CNTNAP2: variants seen among roughly 807,000 people sequenced by gnomAD.
The protein encoded by CNTNAP2 is contactin-associated protein-like 2.
A neutral mutation model predicts 155.2 loss-of-function variants in CNTNAP2; 98 were observed. The ratio of observed to expected loss-of-function variants is 0.63; its 90% confidence interval spans 0.54 to 0.75. The LOEUF (loss-of-function observed/expected upper bound fraction) is 0.75. Ranked by LOEUF, CNTNAP2 falls within the 30% of genes least tolerant of loss-of-function variation. The pLI is 0.00. For synonymous variants in CNTNAP2, 651 were observed against 631.2 expected (o/e 1.03, Z -0.47); for missense variants, 1,727 against 1,688.1 (o/e 1.02, Z -0.40).
intron 1 of CNTNAP2, among the ~76,000 whole-genome samples, chr7:146,724,480 G>T (rs112309511): frequency 6.8e-6 from 1 of 146,294 alleles, no homozygotes; most frequent in Non-Finnish European, 1.5e-5. Context: ...GTCTTGTTCC[G>T]TTTGGTTTTA....
intron 14 of CNTNAP2, among the ~76,000 whole-genome samples, chr7:147,945,513 G>A (rs1430138239): frequency 6.6e-6 from 1 of 152,062 alleles, no homozygotes; most frequent in Admixed American, 6.5e-5. Flanking sequence ...TCAAGTATAT[G>A]GTTGAAGACT....
intron 21 of CNTNAP2, among the ~76,000 whole-genome samples, chr7:148,306,623 T>C (rs1427849931): frequency 1.3e-5 from 2 of 152,184 alleles, no homozygotes; most frequent in African/African-American, 4.8e-5. Flanking sequence ...TCTTTGAATG[T>C]TCCTTTTTTT....
At chr7:146,356,864 C>G (rs1795005865) in intron 1 of CNTNAP2, among the ~76,000 whole-genome samples, 1 of 152,144 alleles carries the variant, frequency 6.6e-6, no homozygotes, top group Non-Finnish European at 1.5e-5. Context: ...CCTTTAAGCT[C>G]CTAAGCATGA....
chr7:146,153,798 C>T (rs189496057), intron 1 of CNTNAP2, among the ~76,000 whole-genome samples: 46 of 152,114 alleles, frequency 3.0e-4, no homozygotes, highest in Non-Finnish European at 4.9e-4. Flanking sequence ...AATCCATTGT[C>T]GTATGAATAA....
rs2116734644 is a variant in CNTNAP2, at chr7:148,417,480, C to T, written c.*1864C>T. ...GAGCTCAGGCACTGTCATGGACACC[C>T]TTAATTTTAAAAGGTTTTAATCATT... On this transcript the variant is annotated 3_prime_UTR_variant, in exon 24 of 24. Transcript: ENST00000361727. The T allele has an allele frequency of 6.5e-6, 1 of 152,686 alleles. No individual in the cohort carries two copies. The highest frequency in any genetic ancestry group is 2.4e-5 in the African/African-American group (1 of 41,540). 9.5% of individuals were successfully genotyped at this position (152,686 alleles called of 1,614,324 possible).
At chr7:146,447,260 G>A (rs1273181918) in intron 1 of CNTNAP2, among the ~76,000 whole-genome samples, 1 of 151,960 alleles carries the variant, frequency 6.6e-6, no homozygotes, top group Non-Finnish European at 1.5e-5. Context: ...GCACAGTTAT[G>A]CCAAGAATAT....
intron 1 of CNTNAP2, among the ~76,000 whole-genome samples, chr7:146,529,176 A>G (rs1797732802): frequency 1.3e-5 from 2 of 152,236 alleles, no homozygotes; most frequent in Admixed American, 1.3e-4. Context: ...AGCACAGTCT[A>G]TAGCATGTGG....
At chr7:146,426,612 A>C (rs1201771235) in intron 1 of CNTNAP2, among the ~76,000 whole-genome samples, 1 of 137,578 alleles carries the variant, frequency 7.3e-6, no homozygotes, top group Non-Finnish European at 1.5e-5. Context: ...GACTCATTTC[A>C]ATAACACCTT....
At chr7:147,330,625 G>A (rs925723350) in intron 9 of CNTNAP2, among the ~76,000 whole-genome samples, 1 of 152,152 alleles carries the variant, frequency 6.6e-6, no homozygotes, top group Non-Finnish European at 1.5e-5. Flanking sequence ...CAGTTGGTGT[G>A]TAGAAAGTTG....
chr7:147,218,654 T>A (rs886246928), intron 8 of CNTNAP2, among the ~76,000 whole-genome samples: 2 of 152,112 alleles, frequency 1.3e-5, no homozygotes, highest in African/African-American at 2.4e-5. Context: ...GAATATGATG[T>A]GTCTTATTGA....
At chr7:147,012,497 G>A (rs1351925208) in intron 3 of CNTNAP2, among the ~76,000 whole-genome samples, 1 of 152,050 alleles carries the variant, frequency 6.6e-6, no homozygotes, top group Admixed American at 6.6e-5. Context: ...TTTTGAAAAC[G>A]TACTAATATT....
At chr7:146,760,461 G>T in intron 1 of CNTNAP2, among the ~76,000 whole-genome samples, 2 of 98,862 alleles carry the variant, frequency 2.0e-5, no homozygotes, top group South Asian at 3.9e-4. Flanking sequence ...GTCTGGCTCT[G>T]TTGCCCAAGC....
At chr7:147,837,804 G>T (rs1047038495) in intron 13 of CNTNAP2, among the ~76,000 whole-genome samples, 1 of 152,162 alleles carries the variant, frequency 6.6e-6, no homozygotes, top group Non-Finnish European at 1.5e-5. Context: ...TTGACTCCAG[G>T]TCTCACATCC....
intron 13 of CNTNAP2, among the ~76,000 whole-genome samples, chr7:147,829,979 T>C (rs546463678): frequency 8.5e-5 from 13 of 152,062 alleles, no homozygotes; most frequent in African/African-American, 3.1e-4. Context: ...CCCAGAATCC[T>C]GGAGCTGCCT....
Position 147,223,982 on chromosome 7 carries a change from A to G in CNTNAP2, c.1349-76159A>G, listed in dbSNP as rs1461567674. 2.0e-5 allele frequency among the ~76,000 whole-genome samples: 3 copies of G among 151,914 alleles called. No individual in the cohort carries two copies. The East Asian group carries it at 5.8e-4, about 29-fold the overall frequency. On this transcript the variant is annotated intron_variant, in intron 8 of 23. Transcript: ENST00000361727. ...GAAAGAAAGAAAAAAGAAAAGAAAA[A>G]AGAAAAATAACTACAAGCAAGAAAT... is the stretch of plus-strand genomic sequence containing the variant.
intron 13 of CNTNAP2, among the ~76,000 whole-genome samples, chr7:147,786,873 G>A (rs187421552): frequency 1.7e-4 from 26 of 152,218 alleles, no homozygotes; most frequent in Non-Finnish European, 2.6e-4. Flanking sequence ...TGAAACTGAG[G>A]TGGGAGGATA....
chr7:146,144,669 G>A (rs913107154), intron 1 of CNTNAP2, among the ~76,000 whole-genome samples: 7 of 152,072 alleles, frequency 4.6e-5, no homozygotes. Context: ...CTAGAACTTC[G>A]ACTCATACTC....
chr7:147,860,658 A>G lies in CNTNAP2; in HGVS notation c.2099-42907A>G, dbSNP rs555138203. ...TCTCTCTTTCCTGCCACCATGTAAGACATGCCTTGATTCCCCTTCTACTTC... is the reference window on the plus strand; with the variant it reads ...TCTCTCTTTCCTGCCACCATGTAAGGCATGCCTTGATTCCCCTTCTACTTC... On this transcript the variant is annotated intron_variant, in intron 13 of 23. Coordinates refer to ENST00000361727, the MANE Select transcript of CNTNAP2 (RefSeq NM_014141.6). Among the ~76,000 whole-genome samples, 14 of 151,830 alleles carry G rather than the reference A, an allele frequency of 9.2e-5. No homozygotes were observed. The South Asian group carries it at 2.9e-3, about 32-fold the overall frequency.
At chr7:148,047,642 C>T (rs898927030) in intron 15 of CNTNAP2, among the ~76,000 whole-genome samples, 6 of 152,160 alleles carry the variant, frequency 3.9e-5, no homozygotes, top group African/African-American at 7.2e-5. Context: ...AGGGCATCAC[C>T]TTGTTCTACA....
Sources: gnomAD v4.1 joint callset for allele counts (sites outside exome capture counted in the v4.1 genomes callset) on GRCh38, gnomAD v4.1.1 for gene constraint, MANE v1.5 for transcripts, NCBI Gene and HGNC (gene_info 2026-07-23, HGNC 2026-07-21) for gene names.